The following RABGAP1L variants were observed in gnomAD, a reference collection of about 807,000 sequenced individuals.
RABGAP1L encodes the protein rab GTPase-activating protein 1-like.
In RABGAP1L, 63 loss-of-function variants were observed where a neutral mutation model predicts 137.7. The ratio of observed to expected loss-of-function variants is 0.46; its 90% CI spans 0.37 to 0.56. The LOEUF (loss-of-function observed/expected upper bound fraction) is 0.56. Among genes scored for constraint, RABGAP1L ranks in the 20% least tolerant of loss-of-function variants. The probability of loss-of-function intolerance (pLI) is 0.00; values close to 1 mark genes in which losing one functional copy is unlikely to be tolerated. For missense variants in RABGAP1L, 1,095 were observed against 1,244.0 expected (o/e 0.88, Z 1.80); for synonymous variants, 431 against 433.7 (o/e 0.99, Z 0.08).
chr1:174,953,334 A>T (rs1017681890), intron 19 of RABGAP1L, among the ~76,000 whole-genome samples: 7 of 152,188 alleles, frequency 4.6e-5, no homozygotes, highest in Non-Finnish European at 1.0e-4. Flanking sequence ...CCCCTCCCAT[A>T]TCTCCGTCTG....
At chr1:174,239,240 C>T (rs553060561) in intron 4 of RABGAP1L, among the ~76,000 whole-genome samples, 5 of 152,292 alleles carry the variant, frequency 3.3e-5, no homozygotes, top group Admixed American at 1.3e-4. Flanking sequence ...GCGTCGCTCA[C>T]GCTGGGAGCT....
intron 19 of RABGAP1L, among the ~76,000 whole-genome samples, chr1:174,951,943 G>A (rs1667766934): frequency 6.6e-6 from 1 of 152,096 alleles, no homozygotes; most frequent in African/African-American, 2.4e-5. Context: ...CATAAAGTCA[G>A]AATATGCCAA....
chr1:174,288,892 T>A (rs867921585), intron 10 of RABGAP1L, among the ~76,000 whole-genome samples: 29 of 152,182 alleles, frequency 1.9e-4, no homozygotes, highest in African/African-American at 6.5e-4. Context: ...CTTCACTCTT[T>A]GTTTGTTTGT....
intron 14 of RABGAP1L, among the ~76,000 whole-genome samples, chr1:174,681,961 T>A (rs1479736382): frequency 6.6e-6 from 1 of 152,124 alleles, no homozygotes; most frequent in East Asian, 1.9e-4. Flanking sequence ...TGGATTTCAG[T>A]AGTATTCTTT....
chr1:174,466,321 A>G (rs1657291263), intron 13 of RABGAP1L, among the ~76,000 whole-genome samples: 2 of 152,212 alleles, frequency 1.3e-5, no homozygotes, highest in African/African-American at 4.8e-5. Flanking sequence ...ACAGAAGAGT[A>G]CCTAGGCAAA....
intron 20 of RABGAP1L, among the ~76,000 whole-genome samples, chr1:174,965,188 C>T (rs1669510530): frequency 6.6e-6 from 1 of 152,134 alleles, no homozygotes; most frequent in Admixed American, 6.6e-5. Context: ...GTATATGTTT[C>T]AGACAGTGTG....
intron 3 of RABGAP1L, 103 bp from the exon 4 acceptor site, chr1:174,231,042 G>A (rs993653372): frequency 1.2e-6 from 1 of 803,016 alleles, no homozygotes; most frequent in Admixed American, 2.7e-5. Context: ...GAGAGACCTA[G>A]ATTTTGTTTG....
chr1:174,166,226 CAG>C lies in RABGAP1L; in HGVS notation c.-34+6570_-34+6571del, dbSNP rs571321706. ...AAAATATTTTATTTGTAAGGAGAGACAGTGTTTTTTTTTTGTTTGTTTTTTGT... is the reference window on the plus strand; with the variant it reads ...AAAATATTTTATTTGTAAGGAGAGACTGTTTTTTTTTTGTTTGTTTTTTGT... On this transcript the variant is annotated intron_variant, in intron 1 of 25. Transcript: ENST00000681986. Among the ~76,000 whole-genome samples, 4 of 150,950 alleles carry C rather than the reference CAG, an allele frequency of 2.6e-5. No individual in the cohort carries two copies. In the South Asian group the frequency reaches 8.5e-4, roughly 32 times the overall value.
At position 174,401,477 on chromosome 1, in the gene RABGAP1L, G is replaced by A. The variant is rs1648573587; in HGVS notation, c.1710+7332G>A. On this transcript the variant is annotated intron_variant, in intron 13 of 25. Transcript: ENST00000681986. ...TATGCATAAATGAAGTTTGAAGTAAGCTTTCGGAATTAACATCATCAGAAA... is the reference window on the plus strand; with the variant it reads ...TATGCATAAATGAAGTTTGAAGTAAACTTTCGGAATTAACATCATCAGAAA... Among the ~76,000 whole-genome samples the A allele has an allele frequency of 3.9e-5, 6 of 152,156 alleles. No individual in the cohort carries two copies. In the South Asian group the frequency reaches 1.2e-3, roughly 32 times the overall value.
intron 11 of RABGAP1L, among the ~76,000 whole-genome samples, chr1:174,360,125 A>C (rs1684004615): frequency 6.6e-6 from 1 of 152,156 alleles, no homozygotes; most frequent in Admixed American, 6.5e-5. Context: ...GTGGAAAATA[A>C]TTTGGGAGAT....
At chr1:174,566,828 A>G (rs1036883936) in intron 13 of RABGAP1L, among the ~76,000 whole-genome samples, 3 of 152,116 alleles carry the variant, frequency 2.0e-5, no homozygotes, top group Non-Finnish European at 2.9e-5. Flanking sequence ...CAGTTATGAT[A>G]GTTTTCATTT....
chr1:174,960,641 A>G lies in RABGAP1L; in HGVS notation c.2433+3092A>G, dbSNP rs149749008. Among the ~76,000 whole-genome samples, 412 of 149,400 alleles carry G rather than the reference A, an allele frequency of 2.8e-3. 3 individuals are homozygous for G. The highest frequency in any genetic ancestry group is 9.1e-3 in the African/African-American group (372 of 40,668). ...TGGTATGTGAATTACATCTCCAAAG[A>G]AAAAAAAAAGCAGAATATTCCAGGA... On this transcript the variant is annotated intron_variant, in intron 20 of 25. Transcript: ENST00000681986.
chr1:174,341,158 T>A (rs1400551487), intron 11 of RABGAP1L, among the ~76,000 whole-genome samples: 1 of 152,146 alleles, frequency 6.6e-6, no homozygotes, highest in Non-Finnish European at 1.5e-5. Flanking sequence ...GGATATTAGA[T>A]TGTTGTCAGA....
At chr1:174,676,635 A>G (rs1350207962) in intron 14 of RABGAP1L, among the ~76,000 whole-genome samples, 3 of 152,288 alleles carry the variant, frequency 2.0e-5, no homozygotes, top group African/African-American at 4.8e-5. Flanking sequence ...AAATGTATCT[A>G]TTTTCCAATG....
chr1:174,604,257 G>A (rs1370799018), intron 13 of RABGAP1L, among the ~76,000 whole-genome samples: 2 of 152,148 alleles, frequency 1.3e-5, no homozygotes, highest in African/African-American at 4.8e-5. Context: ...GGCTGTGACT[G>A]GTCTAAATGC....
intron 17 of RABGAP1L, among the ~76,000 whole-genome samples, chr1:174,734,954 CTTTTT>C (rs756783714): frequency 3.1e-5 from 3 of 96,116 alleles, no homozygotes; most frequent in African/African-American, 1.3e-4. Flanking sequence ...GGATCTCTCT[CTTTTT>C]TTTTTTTTTT....
chr1:174,512,108 A>G (rs1160938531), intron 13 of RABGAP1L, among the ~76,000 whole-genome samples: 1 of 152,196 alleles, frequency 6.6e-6, no homozygotes, highest in Non-Finnish European at 1.5e-5. Context: ...ATTGTCTCAA[A>G]CTAGATGATT....
intron 13 of RABGAP1L, among the ~76,000 whole-genome samples, chr1:174,509,899 AT>A (rs771825414): frequency 3.9e-5 from 6 of 152,168 alleles, no homozygotes; most frequent in Admixed American, 6.5e-5. Context: ...CGTTCTACTT[AT>A]GTAACATCAT....
At chr1:174,976,902 C>T (rs1275524098) in intron 22 of RABGAP1L, among the ~76,000 whole-genome samples, 1 of 152,224 alleles carries the variant, frequency 6.6e-6, no homozygotes, top group Non-Finnish European at 1.5e-5. Flanking sequence ...TTTTCTACCC[C>T]TGTCAGTCCC....
Sources: allele counts gnomAD v4.1 joint callset (sites outside exome capture counted in the v4.1 genomes callset), GRCh38; gene constraint gnomAD v4.1.1; transcripts MANE v1.5; gene names NCBI Gene and HGNC (gene_info 2026-07-23, HGNC 2026-07-21).